DYNC1I1: variants seen among roughly 807,000 people sequenced by gnomAD.
The protein encoded by DYNC1I1 is dynein cytoplasmic 1 intermediate chain 1, also known as cytoplasmic dynein 1 intermediate chain 1.
A neutral mutation model predicts 86.6 loss-of-function variants in DYNC1I1; 43 were observed. That is an observed-to-expected ratio of 0.50 (90% confidence interval 0.39 to 0.64). The LOEUF (loss-of-function observed/expected upper bound fraction) is 0.64. Among genes scored for constraint, DYNC1I1 ranks in the 30% least tolerant of loss-of-function variants. The pLI, the probability that DYNC1I1 is intolerant of heterozygous loss-of-function variation, is 0.00. For missense variants in DYNC1I1, 604 were observed against 788.8 expected (o/e 0.77, Z 2.81); for synonymous variants, 262 against 283.7 (o/e 0.92, Z 0.77).
chr7:95,937,835 A>G (rs1792089139), intron 6 of DYNC1I1, among the ~76,000 whole-genome samples: 1 of 152,116 alleles, frequency 6.6e-6, no homozygotes. Flanking sequence ...ACAAGAAGAA[A>G]GTTTACAACC....
chr7:95,789,660 C>G (rs1158530193), intron 1 of DYNC1I1, among the ~76,000 whole-genome samples: 1 of 152,158 alleles, frequency 6.6e-6, no homozygotes, highest in South Asian at 2.1e-4. Flanking sequence ...CCTGGTAAGT[C>G]TCCTGTGGTA....
rs761431417 is a variant in DYNC1I1 at position 96,097,528 on chromosome 7, C to G, written c.1822C>G (p.Leu608Val). 1 of 1,613,808 alleles carries G rather than the reference C, an allele frequency of 6.2e-7. No individual in the cohort carries two copies. The change falls in exon 17 of 17, where the codon CTT (leucine) becomes GTT (valine). Residue 608 changes from leucine (L) to valine (V), a missense_variant. Leu to Val is a conservative substitution (Grantham distance 32). Transcript: ENST00000447467. ...TGAATGGACCCGATTTGCCAGGACC[C>G]TTGTGGAAATTCGTGCTAACAGAGC... ...NDEWTRFART[L>V]VEIRANRADS...
At position 96,076,181 on chromosome 7, in the gene DYNC1I1, T is replaced by C; in HGVS notation, c.1634T>C (p.Leu545Pro). ...DGMGRLDLWNLNNDTEVPTAS... is the reference protein window; with the variant it reads ...DGMGRLDLWNPNNDTEVPTAS... Reference sequence around the variant, plus strand: ...ATGGGGCGCTTGGACCTCTGGAACCTCAACAATGACACCGAGGTGAGCGGC... The same window carrying C: ...ATGGGGCGCTTGGACCTCTGGAACCCCAACAATGACACCGAGGTGAGCGGC... Residue 545 changes from leucine to proline, a missense_variant, in exon 15 of 17, where the codon CTC becomes CCC. By Grantham distance (98) the Leu-to-Pro change is moderately conservative. Coordinates refer to ENST00000447467, the MANE Select transcript of DYNC1I1 (RefSeq NM_001135556.2). The C allele has an allele frequency of 1.2e-6, 2 of 1,614,082 alleles. No individual in the cohort carries two copies. The highest frequency in any genetic ancestry group is 2.2e-5 in the South Asian group (2 of 91,078).
At chr7:95,977,244 CGTGGT>C (rs2115631353) in intron 6 of DYNC1I1, among the ~76,000 whole-genome samples, 1 of 152,272 alleles carries the variant, frequency 6.6e-6, no homozygotes, top group Non-Finnish European at 1.5e-5. Flanking sequence ...AGACATCCCA[CGTGGT>C]GAGGGCCTGG....
At chr7:95,792,359 T>C (rs917457398) in intron 1 of DYNC1I1, among the ~76,000 whole-genome samples, 3 of 152,186 alleles carry the variant, frequency 2.0e-5, no homozygotes, top group Non-Finnish European at 4.4e-5. Flanking sequence ...AAATGGCATG[T>C]GCAGGAAGGT....
intron 10 of DYNC1I1, among the ~76,000 whole-genome samples, chr7:96,020,104 A>AC (rs1177635820): frequency 3.9e-5 from 6 of 151,958 alleles, no homozygotes; most frequent in Admixed American, 6.6e-5. Context: ...AGCCAAAAAA[A>AC]AAAAAAAAGA....
At chr7:95,940,293 G>A (rs1327357153) in intron 6 of DYNC1I1, among the ~76,000 whole-genome samples, 14 of 151,478 alleles carry the variant, frequency 9.2e-5, no homozygotes, top group African/African-American at 3.4e-4. Flanking sequence ...TGCTCTTCTC[G>A]AGGAGTATCT....
chr7:96,011,054 T>C (rs1482481570), intron 10 of DYNC1I1, among the ~76,000 whole-genome samples: 1 of 152,164 alleles, frequency 6.6e-6, no homozygotes, highest in Non-Finnish European at 1.5e-5. Flanking sequence ...GAAAAGGTAG[T>C]TTTATTTTAT....
intron 16 of DYNC1I1, among the ~76,000 whole-genome samples, chr7:96,109,472 A>G (rs1791276868): frequency 6.6e-6 from 1 of 150,656 alleles, no homozygotes; most frequent in Non-Finnish European, 1.5e-5. Context: ...TAAGGTGAAA[A>G]ATTAGACAAT....
rs557396677 is a variant in DYNC1I1, at chr7:96,096,808, G to A, written c.1777-675G>A. Among the ~76,000 whole-genome samples, 58 of 152,106 alleles carry A rather than the reference G, an allele frequency of 3.8e-4. No homozygotes were observed. The South Asian group carries it at 0.012, about 32-fold the overall frequency. ...TTATATTTGCTTGCTATGCAACCTT[G>A]GTAAGATTATTTAATCTTTCTGTGC... On this transcript the variant is annotated intron_variant, in intron 16 of 16. Transcript: ENST00000447467.
At chr7:95,936,774 A>G (rs1792051173) in intron 6 of DYNC1I1, among the ~76,000 whole-genome samples, 1 of 151,992 alleles carries the variant, frequency 6.6e-6, no homozygotes, top group Non-Finnish European at 1.5e-5. Context: ...GTGAATGTCT[A>G]CTAAAAGGGA....
intron 6 of DYNC1I1, among the ~76,000 whole-genome samples, chr7:95,974,250 T>A (rs1318091279): frequency 6.6e-6 from 1 of 152,166 alleles, no homozygotes; most frequent in African/African-American, 2.4e-5. Context: ...TCCACTGGAA[T>A]GGAAGCTCCA....
intron 5 of DYNC1I1, among the ~76,000 whole-genome samples, chr7:95,865,830 G>A (rs1195343440): frequency 4.6e-5 from 7 of 152,088 alleles, no homozygotes; most frequent in Non-Finnish European, 7.3e-5. Flanking sequence ...GCGTAAGTGC[G>A]GTCTGTGATA....
chr7:95,879,627 G>A (rs1460829878), intron 6 of DYNC1I1, among the ~76,000 whole-genome samples: 1 of 152,150 alleles, frequency 6.6e-6, no homozygotes, highest in Non-Finnish European at 1.5e-5. Flanking sequence ...GAGGGCAGGA[G>A]AGCTCTGTGT....
chr7:95,992,973 A>G (rs1793768452), intron 9 of DYNC1I1, among the ~76,000 whole-genome samples: 1 of 152,138 alleles, frequency 6.6e-6, no homozygotes, highest in Non-Finnish European at 1.5e-5. Context: ...ATATCTGGTA[A>G]TTTCCAGGTA....
chr7:95,924,956 C>T (rs1791705218), intron 6 of DYNC1I1, among the ~76,000 whole-genome samples: 1 of 152,168 alleles, frequency 6.6e-6, no homozygotes, highest in East Asian at 1.9e-4. Flanking sequence ...AAGGACAGCC[C>T]TCTGATCTCT....
intron 6 of DYNC1I1, among the ~76,000 whole-genome samples, chr7:95,909,571 C>G (rs1383221966): frequency 6.6e-6 from 1 of 151,958 alleles, no homozygotes; most frequent in African/African-American, 2.4e-5. Flanking sequence ...AAGAGAAGGA[C>G]CTGGCAGAAG....
chr7:95,872,180 G>A lies in DYNC1I1; in HGVS notation c.490+2182G>A, dbSNP rs1035950203. Among the ~76,000 whole-genome samples, 36 of 152,184 alleles carry A rather than the reference G, an allele frequency of 2.4e-4. 1 individual carries two copies. On this transcript the variant is annotated intron_variant, in intron 6 of 16. Coordinates refer to ENST00000447467, the MANE Select transcript of DYNC1I1 (RefSeq NM_001135556.2). Reference sequence around the variant, plus strand: ...AGGTTCTACCATGCGGCAGATGTGGGTTGGCTCCACTGTGGGGTTTGAGCC... The same window carrying A: ...AGGTTCTACCATGCGGCAGATGTGGATTGGCTCCACTGTGGGGTTTGAGCC...
At chr7:95,890,308 T>C (rs908179200) in intron 6 of DYNC1I1, among the ~76,000 whole-genome samples, 2 of 152,162 alleles carry the variant, frequency 1.3e-5, no homozygotes, top group Non-Finnish European at 2.9e-5. Flanking sequence ...GAGGCCATTA[T>C]CCTTAACAAA....
Sources: gnomAD v4.1 joint callset for allele counts (sites outside exome capture counted in the v4.1 genomes callset) on GRCh38, gnomAD v4.1.1 for gene constraint, MANE v1.5 for transcripts, NCBI Gene and HGNC (gene_info 2026-07-23, HGNC 2026-07-21) for gene names.